The following PRPF8 variants were observed in gnomAD, a reference collection of about 807,000 sequenced individuals.
PRPF8 encodes pre-mRNA-processing-splicing factor 8.
Under a neutral mutation model 285.9 loss-of-function variants are expected in PRPF8, and 64 were observed. That is an observed-to-expected ratio of 0.22 (90% CI 0.18 to 0.28). The LOEUF is 0.28. Among genes scored for constraint, PRPF8 ranks in the 10% least tolerant of loss-of-function variants. The pLI is 1.00. For synonymous variants in PRPF8, 1,325 were observed against 1,118.2 expected (o/e 1.18, Z -3.69); for missense variants, 1,426 against 3,026.7 (o/e 0.47, Z 12.41).
chr17:1,668,689 TTCA>T (rs1053915103), intron 24 of PRPF8, among the ~76,000 whole-genome samples: 18 of 152,090 alleles, frequency 1.2e-4, no homozygotes, highest in African/African-American at 4.1e-4. Flanking sequence ...TTCCCTTGCA[TTCA>T]ATGCCTTACC....
At position 1,676,780 on chromosome 17, in the gene PRPF8, G is replaced by C; in HGVS notation, c.2182-69C>G. On this transcript the variant is annotated intron_variant, in intron 15 of 42. Transcript: ENST00000304992. This position sits in a 1 kb window ranked among gnomAD's most constrained non-coding sequence, Gnocchi z 6.3. Reference sequence around the variant, plus strand: ...ACTGTGGCACACATCTGTAGTCCCGGCTACTCAGGAGGCTAAGGAGGATCG... The same window carrying C: ...ACTGTGGCACACATCTGTAGTCCCGCCTACTCAGGAGGCTAAGGAGGATCG... 1 of 1,566,688 alleles carries C rather than the reference G, an allele frequency of 6.4e-7. No homozygotes were observed. The highest frequency in any genetic ancestry group is 8.8e-7 in the Non-Finnish European group (1 of 1,142,576).
intron 11 of PRPF8, 55 bp from the exon 12 acceptor site, chr17:1,678,936 T>C (rs1449169267): frequency 2.5e-6 from 4 of 1,613,714 alleles, no homozygotes; most frequent in Non-Finnish European, 2.5e-6. Context: ...ACCCAACTGA[T>C]GTATGCCTTC....
At position 1,673,501 on chromosome 17, in the gene PRPF8, C is replaced by G; in HGVS notation, c.3513G>C (p.Glu1171Asp). The G allele has an allele frequency of 6.2e-7, 1 of 1,614,230 alleles. No homozygotes were observed. The highest frequency in any genetic ancestry group is 1.6e-4 in the Middle Eastern group (1 of 6,062). Residue 1171 changes from glutamate to aspartate, a missense_variant, in exon 23 of 43, where the codon GAG becomes GAC. Glu to Asp is a conservative substitution (Grantham distance 45). This residue lies in a region of PRPF8 where 148 missense variants were observed against 196.2 expected (regional missense o/e 0.75). Coordinates refer to ENST00000304992, the MANE Select transcript of PRPF8 (RefSeq NM_006445.4). The surrounding 1 kb of genome is among the most constrained non-coding windows in gnomAD (Gnocchi z 5.5). The stretch of plus-strand genomic sequence containing the variant: ...TACTGTACACAGACACGAAGCTGTT[C>G]TCCCACTGAACTGTAGTCACTGACC... ...LPRSVTTVQW[E>D]NSFVSVYSKD... is the part of the protein sequence containing the mutation.
chr17:1,684,339 G>T, intron 2 of PRPF8, 133 bp downstream of exon 2: 1 of 940,846 alleles, frequency 1.1e-6, no homozygotes, highest in Non-Finnish European at 1.7e-6. Flanking sequence ...ATGACTTGAT[G>T]AAAAATTAAC....
At position 1,684,564 on chromosome 17, in the gene PRPF8, C is replaced by G; in HGVS notation, c.8G>C (p.Gly3Ala). MA[G>A]VFPYRGPGNP... is the part of the protein sequence containing the mutation. ...ACCCGGCCCTCGATAAGGAAACACT[C>G]CGGCCATATCCGGAGAATCTGGGGA... Residue 3 changes from glycine to alanine, a missense_variant, in exon 2 of 43, where the codon GGA becomes GCA. Gly to Ala is a moderately conservative substitution (Grantham distance 60). Around this residue, in one of 34 missense-constraint regions of PRPF8, gnomAD observed 72 missense variants for 80.0 expected, o/e 0.90. Transcript: ENST00000304992. 3 of 1,612,512 alleles carry G rather than the reference C, an allele frequency of 1.9e-6. No homozygotes were observed. The highest frequency in any genetic ancestry group is 2.5e-6 in the Non-Finnish European group (3 of 1,179,866).
At chr17:1,654,938 G>C (rs1253025536) in intron 37 of PRPF8, 3 of 225,726 alleles carry the variant, frequency 1.3e-5, no homozygotes, top group Non-Finnish European at 2.6e-5. Context: ...GCTAAGACAA[G>C]ATAATTTCTT....
Position 1,651,524 on chromosome 17 carries a change from A to T in PRPF8, c.6540T>A (p.Thr2180=). 6.2e-7 allele frequency: 1 copy of T among 1,614,132 alleles called. No individual in the cohort carries two copies. The highest frequency in any genetic ancestry group is 8.5e-7 in the Non-Finnish European group (1 of 1,180,028). The change falls in exon 41 of 43, where the codon ACT becomes ACA. Residue 2180 remains threonine (T), a synonymous_variant. Transcript: ENST00000304992. The surrounding 1 kb of genome is among the most constrained non-coding windows in gnomAD (Gnocchi z 5.1). ...KEMEPLGWIH[T]QPNESPQLSP... ...ATAACTGCGGGGACTCATTGGGCTG[A>T]GTGTGGATCCAACCTAAGGGTTCCA...
chr17:1,671,246 A>G (rs1473557369), intron 24 of PRPF8, among the ~76,000 whole-genome samples: 1 of 152,152 alleles, frequency 6.6e-6, no homozygotes, highest in East Asian at 1.9e-4. Context: ...TAGAGCAATC[A>G]CTAACTCTAG....
rs1386508384 is a variant in PRPF8 at position 1,679,163 on chromosome 17, T to C, written c.1453A>G (p.Thr485Ala). The C allele has an allele frequency of 6.2e-7, 1 of 1,614,184 alleles. No individual in the cohort carries two copies. Among genetic ancestry groups the C allele is most frequent in the East Asian group, 2.2e-5 (1 of 44,890 alleles). ...SFKATKFFQS[T>A]KLDWVEVGLQ... The stretch of plus-strand genomic sequence containing the variant: ...CCAACCTCCACCCAGTCCAGCTTTG[T>C]GGACTGAAAGAATTTGGTGGCTTTG... Residue 485 changes from threonine (T) to alanine (A), a missense_variant, in exon 11 of 43, where the codon ACA (threonine) becomes GCA (alanine). Thr to Ala is a moderately conservative substitution (Grantham distance 58). Transcript: ENST00000304992. This position sits in a 1 kb window ranked among gnomAD's most constrained non-coding sequence, Gnocchi z 4.7.
rs1289548611 is a variant in PRPF8 at position 1,684,815 on chromosome 17, C to T, written c.-47G>A. ...CTCACACAAGAGGCCGCTTTCCCCGCAGCGCAATGGCGGCCAGACTGCGTC... is the reference window on the plus strand; with the variant it reads ...CTCACACAAGAGGCCGCTTTCCCCGTAGCGCAATGGCGGCCAGACTGCGTC... On this transcript the variant is annotated 5_prime_UTR_variant, in exon 1 of 43. Transcript: ENST00000304992. The T allele has an allele frequency of 1.5e-5, 9 of 598,228 alleles. No homozygotes were observed. In the South Asian group the frequency reaches 1.6e-4, roughly 10 times the overall value. 37.1% of individuals were successfully genotyped at this position (598,228 alleles called of 1,614,324 possible).
Position 1,662,172 on chromosome 17 carries a change from A to G in PRPF8, c.3775-19T>C. 1 of 1,614,160 alleles carries G rather than the reference A, an allele frequency of 6.2e-7. No homozygotes were observed. The highest frequency in any genetic ancestry group is 8.5e-7 in the Non-Finnish European group (1 of 1,180,040). On this transcript the variant is annotated intron_variant, in intron 24 of 42. Transcript: ENST00000304992. ...TCACAATCTAAAGGTAGTAGAAAAA[A>G]AAGTAAATTACAGATGAGCCAGGGG...
chr17:1,674,536 T>C lies in PRPF8; in HGVS notation c.3205A>G (p.Asn1069Asp), dbSNP rs774866614. Residue 1069 changes from asparagine (N) to aspartate (D), a missense_variant, in exon 21 of 43, where the codon AAT becomes GAT. By Grantham distance (23) the Asn-to-Asp change is conservative. Coordinates refer to ENST00000304992, the MANE Select transcript of PRPF8 (RefSeq NM_006445.4). ...ATGTCCTGGAAACTGAGAAAGTCAT[T>C]TGGCATCTGAGGGGGCCCAGCCATC... The part of the protein sequence containing the change: ...SEMAGPPQMP[N>D]DFLSFQDIAT... 4 of 1,614,146 alleles carry C rather than the reference T, an allele frequency of 2.5e-6. No homozygotes were observed. The highest frequency in any genetic ancestry group is 1.1e-5 in the South Asian group (1 of 91,084).
rs552249243 is a variant in PRPF8, at chr17:1,675,009, G to C, written c.3060+143C>G. ...AGACTGGTCTCGAACTCCTGACCTC[G>C]TGATCTGCCCGCCTCAGCCTCCCAA... On this transcript the variant is annotated intron_variant, in intron 20 of 42. Transcript: ENST00000304992. The surrounding 1 kb of genome is among the most constrained non-coding windows in gnomAD (Gnocchi z 6.0). 1.0e-6 allele frequency: 1 copy of C among 966,178 alleles called. No homozygotes were observed. Among genetic ancestry groups the C allele is most frequent in the African/African-American group, 1.6e-5 (1 of 62,078 alleles). The allele number at this position is 966,178 out of a possible 1,614,324, so 59.9% of individuals were successfully genotyped here.
chr17:1,675,892 T>G lies in PRPF8; in HGVS notation c.2679+36A>C. On this transcript the variant is annotated intron_variant, in intron 18 of 42. Transcript: ENST00000304992. This position sits in a 1 kb window ranked among gnomAD's most constrained non-coding sequence, Gnocchi z 6.0. ...AACCAAAGGCAACTGCTACCTTTGG[T>G]AGAACCAAAAAGAAAACTTGGGAGG... 1 of 1,613,908 alleles carries G rather than the reference T, an allele frequency of 6.2e-7. No homozygotes were observed. The highest frequency in any genetic ancestry group is 8.5e-7 in the Non-Finnish European group (1 of 1,179,960).
chr17:1,679,378 A>C lies in PRPF8; in HGVS notation c.1322T>G (p.Val441Gly). 6.2e-7 allele frequency: 1 copy of C among 1,613,568 alleles called. No homozygotes were observed. The highest frequency in any genetic ancestry group is 8.5e-7 in the Non-Finnish European group (1 of 1,180,000). Residue 441 changes from valine (V) to glycine (G), a missense_variant, in exon 10 of 43, where the codon GTG becomes GGG. Transcript: ENST00000304992. The surrounding 1 kb of genome is among the most constrained non-coding windows in gnomAD (Gnocchi z 4.7). ...CTTCTGGTAGGAGACCCTCACTTTC[A>C]CAGGCTGCCCGGCAGGACAATGCTC... is the stretch of plus-strand genomic sequence containing the variant. ...YREHCPAGQP[V>G]KVRVSYQKLL... is the part of the protein sequence containing the mutation.
Position 1,656,535 on chromosome 17 carries a change from T to G in PRPF8, c.5650A>C (p.Ile1884Leu). The change falls in exon 36 of 43, where the codon ATC (isoleucine) becomes CTC (leucine). Residue 1884 changes from isoleucine to leucine, a missense_variant. Ile to Leu is a conservative substitution (Grantham distance 5). Coordinates refer to ENST00000304992, the MANE Select transcript of PRPF8 (RefSeq NM_006445.4). ...VHLLDFPNIVIKGSELQLPFQ... is the reference protein window; with the variant it reads ...VHLLDFPNIVLKGSELQLPFQ... ...GGGAGTTGGAGCTCCGATCCTTTGA[T>G]GACAATATTGGGGAAGTCCAGTAAG... 6.2e-7 allele frequency: 1 copy of G among 1,614,192 alleles called. No homozygotes were observed. Among genetic ancestry groups the G allele is most frequent in the Non-Finnish European group, 8.5e-7 (1 of 1,180,034 alleles).
intron 24 of PRPF8, among the ~76,000 whole-genome samples, chr17:1,663,086 G>A (rs1052692415): frequency 6.6e-6 from 1 of 152,132 alleles, no homozygotes; most frequent in African/African-American, 2.4e-5. Flanking sequence ...AACTTAAAGT[G>A]TATTATTCTA....
chr17:1,658,592 C>T lies in PRPF8; in HGVS notation c.5310G>A (p.Glu1770=), dbSNP rs2151114605. 1.2e-6 allele frequency: 2 copies of T among 1,614,164 alleles called. No homozygotes were observed. The highest frequency in any genetic ancestry group is 3.3e-5 in the Admixed American group (2 of 60,026). ...EPYLSSQNYG[E]LFSNQIIWFV... ...ACCAGATAATCTGGTTGGAGAAGAG[C>T]TCACCATAGTTCTGAGAAGACAAAT... The change falls in exon 33 of 43, where the codon GAG becomes GAA. Residue 1770 remains glutamate, a synonymous_variant. Coordinates refer to ENST00000304992, the MANE Select transcript of PRPF8 (RefSeq NM_006445.4). The surrounding 1 kb of genome is among the most constrained non-coding windows in gnomAD (Gnocchi z 4.1).
chr17:1,664,619 C>T (rs1911856344), intron 24 of PRPF8, among the ~76,000 whole-genome samples: 1 of 151,560 alleles, frequency 6.6e-6, no homozygotes, highest in Admixed American at 6.6e-5. Flanking sequence ...CCAACCTAGG[C>T]AAGAGTGAGA....
Sources: gnomAD v4.1 joint callset for allele counts (sites outside exome capture counted in the v4.1 genomes callset) on GRCh38, gnomAD v4.1.1 for gene constraint, gnomAD v4.1.1 regional missense constraint, Gnocchi (gnomAD v3.1) non-coding constraint, MANE v1.5 for transcripts, NCBI Gene and HGNC (gene_info 2026-07-23, HGNC 2026-07-21) for gene names.